The following CEP95 variants were observed in gnomAD, a reference collection of about 807,000 sequenced individuals.
The protein encoded by CEP95 is centrosomal protein 95, also known as centrosomal protein of 95 kDa.
A neutral mutation model predicts 111.2 loss-of-function variants in CEP95; 98 were observed. The ratio of observed to expected loss-of-function variants is 0.88; its 90% CI spans 0.75 to 1.04. The LOEUF (loss-of-function observed/expected upper bound fraction) is 1.04, where lower values mean the gene tolerates loss of function less well. Ranked by LOEUF, CEP95 falls within the 50% of genes least tolerant of loss-of-function variation. The probability of loss-of-function intolerance (pLI) is 0.00; values close to 1 mark genes in which losing one functional copy is unlikely to be tolerated. For missense variants in CEP95, 1,027 were observed against 977.2 expected (o/e 1.05, Z -0.68); for synonymous variants, 323 against 327.1 (o/e 0.99, Z 0.14).
Position 64,536,589 on chromosome 17 carries a change from A to G in CEP95, c.2071-13A>G. 3 of 1,583,758 alleles carry G rather than the reference A, an allele frequency of 1.9e-6. No homozygotes were observed. The highest frequency in any genetic ancestry group is 2.6e-6 in the Non-Finnish European group (3 of 1,165,168). On this transcript the variant is annotated splice_polypyrimidine_tract_variant and intron_variant, in intron 17 of 19. Transcript: ENST00000556440. ...TTCCTCAATGACTATTTTTACGATT[A>G]AATAACTGACAGATATTTAAGAAAC...
intron 5 of CEP95, among the ~76,000 whole-genome samples, chr17:64,518,528 A>G (rs1555676941): frequency 6.6e-6 from 1 of 152,232 alleles, no homozygotes; most frequent in Admixed American, 6.5e-5. Flanking sequence ...ATAGACAAAA[A>G]TGTATTGTCA....
At chr17:64,519,503 T>G in intron 6 of CEP95, 67 bp downstream of exon 6, 8 of 1,172,224 alleles carry the variant, frequency 6.8e-6, no homozygotes, top group Non-Finnish European at 1.0e-5. Flanking sequence ...AAATGGTATG[T>G]AGGAGTGTTT....
At chr17:64,534,039 A>T (rs1447870091) in intron 16 of CEP95, 1 of 152,694 alleles carries the variant, frequency 6.5e-6, no homozygotes, top group Non-Finnish European at 1.5e-5. Flanking sequence ...AGTAGAGATA[A>T]GCCATGAGAA....
chr17:64,514,656 TTCTC>T, intron 4 of CEP95: 1 of 390,266 alleles, frequency 2.6e-6, no homozygotes, highest in Non-Finnish European at 4.5e-6. Context: ...TAAAATTTCT[TTCTC>T]CAAAATTTCG....
intron 3 of CEP95, among the ~76,000 whole-genome samples, chr17:64,513,992 T>C (rs782152937): frequency 1.3e-5 from 2 of 152,334 alleles, no homozygotes; most frequent in Non-Finnish European, 2.9e-5. Flanking sequence ...TGCCAGTGAA[T>C]TATTAGACGC....
chr17:64,516,792 A>T lies in CEP95; in HGVS notation c.437A>T (p.Glu146Val). ...TTGGAAGAGCCAGAAAGTACTAAAG[A>T]ATCTAAATCATCATGGAAAAGAGTT... ...ERLEEPESTK[E>V]SKSSWKRVSF... is the part of the protein sequence containing the mutation. The change falls in exon 5 of 20, where the codon GAA (glutamate) becomes GTA (valine). Residue 146 changes from glutamate to valine, a missense_variant. Transcript: ENST00000556440. 1.2e-6 allele frequency: 2 copies of T among 1,610,612 alleles called. No individual in the cohort carries two copies. The highest frequency in any genetic ancestry group is 2.7e-5 in the African/African-American group (2 of 75,006).
chr17:64,507,390 G>A, intron 1 of CEP95: 1 of 1,392,530 alleles, frequency 7.2e-7, no homozygotes, highest in Non-Finnish European at 9.3e-7. Flanking sequence ...GCGGTCAGAA[G>A]GGTCGTCCCC....
chr17:64,508,314 T>C, intron 1 of CEP95: 1 of 996,418 alleles, frequency 1.0e-6, no homozygotes, highest in Non-Finnish European at 1.2e-6. Context: ...TATAAGTAAC[T>C]TAAGATTTTA....
rs1555673771 is a variant in CEP95 at position 64,508,691 on chromosome 17, A to G, written c.119A>G (p.Tyr40Cys). Residue 40 changes from tyrosine (Y) to cysteine (C), a missense_variant, in exon 2 of 20, where the codon TAT becomes TGT. Tyr to Cys is a radical substitution (Grantham distance 194, BLOSUM62 -2). Transcript: ENST00000556440. ...GATGCTAATGTTTTTATTGCTCTTTATCAGTCTATTTTGGGAGAAAAGGTA... is the reference window on the plus strand; with the variant it reads ...GATGCTAATGTTTTTATTGCTCTTTGTCAGTCTATTTTGGGAGAAAAGGTA... ...DCDANVFIAL[Y>C]QSILGEKVPD... 4 of 1,444,440 alleles carry G rather than the reference A, an allele frequency of 2.8e-6. No individual in the cohort carries two copies. The highest frequency in any genetic ancestry group is 3.7e-6 in the Non-Finnish European group (4 of 1,088,338). 89.5% of individuals were successfully genotyped at this position (1,444,440 alleles called of 1,614,324 possible).
intron 6 of CEP95, chr17:64,520,384 A>G (rs1302517697): frequency 1.3e-5 from 2 of 151,920 alleles, no homozygotes; most frequent in African/African-American, 4.8e-5. Context: ...TTTCATATTG[A>G]GATTTAAAGT....
intron 5 of CEP95, among the ~76,000 whole-genome samples, chr17:64,518,003 A>C (rs1304470026): frequency 1.3e-5 from 2 of 151,940 alleles, no homozygotes; most frequent in African/African-American, 4.8e-5. Flanking sequence ...CAGCCTCCTG[A>C]GTAGCTGGGA....
At position 64,529,407 on chromosome 17, in the gene CEP95, G is replaced by C. The variant is rs1170954523; in HGVS notation, c.1426G>C (p.Val476Leu). 2 of 1,613,636 alleles carry C rather than the reference G, an allele frequency of 1.2e-6. No individual in the cohort carries two copies. The highest frequency in any genetic ancestry group is 1.7e-6 in the Non-Finnish European group (2 of 1,179,768). The stretch of plus-strand genomic sequence containing the variant: ...GCAGCGCAAGCCAAGAGAAACAGAT[G>C]TCCGCCAATTCCAAGCACAGGTTCT... ...KRQRKPRETD[V>L]RQFQAQAFTE... Residue 476 changes from valine to leucine, a missense_variant, in exon 12 of 20, where the codon GTC becomes CTC. Coordinates refer to ENST00000556440, the MANE Select transcript of CEP95 (RefSeq NM_138363.3).
rs2038828059 is a variant in CEP95, at chr17:64,510,344, G to A, written c.256+64G>A. On this transcript the variant is annotated intron_variant, in intron 3 of 19. Transcript: ENST00000556440. ...AGTAAAAATAATTGTTAGAACTGTA[G>A]ACATTGTTTACTTAACCAAATGAGT... 4.8e-6 allele frequency: 5 copies of A among 1,036,844 alleles called. No individual in the cohort carries two copies. The Admixed American group carries it at 6.0e-5, about 12-fold the overall frequency. The allele number at this position is 1,036,844 out of a possible 1,614,324, so 64.2% of individuals were successfully genotyped here.
In CEP95 at chr17:64,526,712, A is replaced by G. The variant is rs141671326; in HGVS notation, c.1153-399A>G. Among the ~76,000 whole-genome samples, 11 of 152,322 alleles carry G rather than the reference A, an allele frequency of 7.2e-5. No homozygotes were observed. In the East Asian group the frequency reaches 2.1e-3, roughly 29 times the overall value. ...GTGGTGGCTCACAACTGTAATTCCA[A>G]CACTTTGAGAGGCTGAGGCAGGTGG... On this transcript the variant is annotated intron_variant, in intron 10 of 19. Coordinates refer to ENST00000556440, the MANE Select transcript of CEP95 (RefSeq NM_138363.3).
intron 5 of CEP95, among the ~76,000 whole-genome samples, chr17:64,517,713 T>TA (rs1321124770): frequency 6.7e-5 from 10 of 148,606 alleles, no homozygotes; most frequent in Non-Finnish European, 1.5e-4. Context: ...TTTTTTTTTT[T>TA]AACAGAGATG....
At chr17:64,532,774 C>T in intron 14 of CEP95, 65 bp from the exon 15 acceptor site, 1 of 1,543,278 alleles carries the variant, frequency 6.5e-7, no homozygotes. Context: ...TTTGATCTAC[C>T]AGGGATGTTG....
Position 64,507,063 on chromosome 17 carries a change from C to A in CEP95, c.-35C>A, listed in dbSNP as rs782459140. 2 of 1,550,750 alleles carry A rather than the reference C, an allele frequency of 1.3e-6. No homozygotes were observed. The highest frequency in any genetic ancestry group is 1.2e-5 in the South Asian group (1 of 84,038). ...TCCAGGACACCGTCGCCTTCCCGGCCGCGTCGGAGTCCGGCGGCGACCTGC... is the reference window on the plus strand; with the variant it reads ...TCCAGGACACCGTCGCCTTCCCGGCAGCGTCGGAGTCCGGCGGCGACCTGC... On this transcript the variant is annotated 5_prime_UTR_variant, in exon 1 of 20. Coordinates refer to ENST00000556440, the MANE Select transcript of CEP95 (RefSeq NM_138363.3).
intron 4 of CEP95, among the ~76,000 whole-genome samples, chr17:64,515,075 C>T (rs1355425709): frequency 1.3e-5 from 2 of 152,114 alleles, no homozygotes; most frequent in Middle Eastern, 3.2e-3. Flanking sequence ...AGTTTCCTAC[C>T]TTTAATCATT....
intron 8 of CEP95, among the ~76,000 whole-genome samples, chr17:64,523,991 A>G (rs1368111097): frequency 6.6e-6 from 1 of 152,222 alleles, no homozygotes; most frequent in African/African-American, 2.4e-5. Flanking sequence ...CATTCAAGCA[A>G]TGCATTAAAA....
Sources: gnomAD v4.1 joint callset for allele counts (sites outside exome capture counted in the v4.1 genomes callset) on GRCh38, gnomAD v4.1.1 for gene constraint, MANE v1.5 for transcripts, NCBI Gene and HGNC (gene_info 2026-07-23, HGNC 2026-07-21) for gene names.